ODAD1: variants seen among roughly 807,000 people sequenced by gnomAD.
ODAD1 encodes the protein outer dynein arm docking complex subunit 1, also known as outer dynein arm-docking complex subunit 1.
ODAD1 carries 49 observed loss-of-function variants against 67.2 expected under a neutral mutation model. That is an observed-to-expected ratio of 0.73 (90% confidence interval 0.58 to 0.92). ODAD1 has a LOEUF of 0.92. Ranked by LOEUF, ODAD1 falls within the 40% of genes least tolerant of loss-of-function variation. ODAD1 has a pLI of 0.00. For missense variants in ODAD1, 897 were observed against 953.7 expected (o/e 0.94, Z 0.78); for synonymous variants, 345 against 393.7 (o/e 0.88, Z 1.46).
chr19:48,318,263 A>C, intron 5 of ODAD1, 124 bp downstream of exon 5: 1 of 818,732 alleles, frequency 1.2e-6, no homozygotes, highest in African/African-American at 1.7e-5. Context: ...ATGTGCTGGG[A>C]TTACAGGCAT....
At chr19:48,306,844 C>T (rs1251655818) in intron 7 of ODAD1, among the ~76,000 whole-genome samples, 4 of 151,154 alleles carry the variant, frequency 2.6e-5, no homozygotes, top group Non-Finnish European at 5.9e-5. Context: ...CTTGGGAGTT[C>T]GAGACCAGCC....
At chr19:48,306,930 C>T (rs1331962482) in intron 7 of ODAD1, among the ~76,000 whole-genome samples, 3 of 152,000 alleles carry the variant, frequency 2.0e-5, no homozygotes, top group African/African-American at 7.3e-5. Flanking sequence ...CGACTGTAAT[C>T]CCAGCACTTT....
Position 48,296,883 on chromosome 19 carries a change from G to T in ODAD1, c.*93C>A. The stretch of plus-strand genomic sequence containing the variant: ...CAGAGGCCTGCCACTGGGAGAAAAA[G>T]ACAGAGACCCACAAGGCAAACAGGG... On this transcript the variant is annotated 3_prime_UTR_variant, in exon 16 of 16. Coordinates refer to ENST00000674294, the MANE Select transcript of ODAD1 (RefSeq NM_001364171.2). The T allele has an allele frequency of 6.9e-7, 1 of 1,443,802 alleles. No individual in the cohort carries two copies. Among genetic ancestry groups the T allele is most frequent in the African/African-American group, 1.4e-5 (1 of 69,912 alleles). 89.4% of individuals were successfully genotyped at this position (1,443,802 alleles called of 1,614,324 possible).
At position 48,297,492 on chromosome 19, in the gene ODAD1, C is replaced by T. The variant is rs200022799; in HGVS notation, c.1608G>A (p.Ala536=). The change falls in exon 16 of 16, where the codon GCG becomes GCA. Residue 536 remains alanine (A), a synonymous_variant. Transcript: ENST00000674294. ...CGGCGGCCAGGTCCTTCTGGCGCTG[C>T]GCCTCCGCCTGCTCCTGGAGCTCCA... is the stretch of plus-strand genomic sequence containing the variant. ...KLVELQEQAE[A]QRQKDLAAAA... is the part of the protein sequence containing the mutation. 191 of 1,602,942 alleles carry T rather than the reference C, an allele frequency of 1.2e-4. No homozygotes were observed. In the African/African-American group the frequency reaches 1.9e-3, roughly 16 times the overall value.
At chr19:48,312,260 T>A in intron 5 of ODAD1, 144 bp from the exon 6 acceptor site, 1 of 641,310 alleles carries the variant, frequency 1.6e-6, no homozygotes, top group South Asian at 1.8e-5. Context: ...GCTGACACTA[T>A]CCAGCCCTCC....
At chr19:48,320,144 T>A in intron 3 of ODAD1, 155 bp downstream of exon 3, 1 of 903,684 alleles carries the variant, frequency 1.1e-6, no homozygotes, top group Non-Finnish European at 1.4e-6. Flanking sequence ...CCACCCACCG[T>A]GGTGCCCGCC....
intron 12 of ODAD1, among the ~76,000 whole-genome samples, chr19:48,301,384 G>A (rs892171951): frequency 6.6e-6 from 1 of 151,966 alleles, no homozygotes; most frequent in African/African-American, 2.4e-5. Flanking sequence ...GGTGGATGAT[G>A]GATATGGGAC....
chr19:48,296,743 C>T lies in ODAD1; in HGVS notation c.*233G>A, dbSNP rs1420272290. 7.3e-7 allele frequency: 1 copy of T among 1,374,118 alleles called. No individual in the cohort carries two copies. Among genetic ancestry groups the T allele is most frequent in the African/African-American group, 1.5e-5 (1 of 67,606 alleles). The allele number at this position is 1,374,118 out of a possible 1,614,324, so 85.1% of individuals were successfully genotyped here. A position where few individuals can be genotyped will look rare whatever the true frequency, so the allele number is the denominator to read the frequency against. ...GACACTGACCAGGAAGCCCAGAGAACAGGAGATCAGGAGTCAGAGGGAAAA... is the reference window on the plus strand; with the variant it reads ...GACACTGACCAGGAAGCCCAGAGAATAGGAGATCAGGAGTCAGAGGGAAAA... On this transcript the variant is annotated 3_prime_UTR_variant, in exon 16 of 16. Coordinates refer to ENST00000674294, the MANE Select transcript of ODAD1 (RefSeq NM_001364171.2).
chr19:48,304,908 G>A (rs1411596518), intron 8 of ODAD1, among the ~76,000 whole-genome samples: 1 of 152,180 alleles, frequency 6.6e-6, no homozygotes, highest in Non-Finnish European at 1.5e-5. Context: ...CTTTTGGAGT[G>A]ATGGAAATAT....
At chr19:48,299,002 G>A (rs563258833) in intron 12 of ODAD1, among the ~76,000 whole-genome samples, 11 of 152,064 alleles carry the variant, frequency 7.2e-5, no homozygotes, top group Non-Finnish European at 1.2e-4. Context: ...CTCTCCATCC[G>A]TCATCCCTTC....
chr19:48,308,342 T>C (rs10406404), intron 7 of ODAD1, among the ~76,000 whole-genome samples: 37,601 of 151,704 alleles, frequency 0.25, 5,392 homozygotes, highest in African/African-American at 0.4. Flanking sequence ...ACCTGGCTAA[T>C]TTTTTGTATT....
intron 11 of ODAD1, 62 bp downstream of exon 11, chr19:48,302,951 G>C: frequency 1.3e-6 from 2 of 1,573,170 alleles, no homozygotes; most frequent in South Asian, 1.1e-5. Context: ...CAGGCTGAGG[G>C]AGGGAAGGGG....
chr19:48,302,282 T>G (rs923034378), intron 12 of ODAD1, among the ~76,000 whole-genome samples: 1 of 151,470 alleles, frequency 6.6e-6, no homozygotes, highest in Admixed American at 6.6e-5. Context: ...GAATAGATCC[T>G]GAATGGATGA....
rs763026577 is a variant in ODAD1 at position 48,303,604 on chromosome 19, G to A, written c.988+46C>T. Reference sequence around the variant, plus strand: ...GGCCAGCCTGCACTGGACTCAGGGGGTGCCGGGGTCCCGGGCCTCCTCCCT... The same window carrying A: ...GGCCAGCCTGCACTGGACTCAGGGGATGCCGGGGTCCCGGGCCTCCTCCCT... On this transcript the variant is annotated intron_variant, in intron 10 of 15. Coordinates refer to ENST00000674294, the MANE Select transcript of ODAD1 (RefSeq NM_001364171.2). 6.8e-6 allele frequency: 11 copies of A among 1,612,010 alleles called. No individual in the cohort carries two copies. In the South Asian group the frequency reaches 1.2e-4, roughly 18 times the overall value.
intron 5 of ODAD1, among the ~76,000 whole-genome samples, chr19:48,312,342 A>C (rs1184175668): frequency 6.7e-6 from 1 of 148,352 alleles, no homozygotes; most frequent in East Asian, 2.0e-4. Flanking sequence ...CTGGACACTC[A>C]CAGGGATTGG....
At chr19:48,320,061 A>C in intron 3 of ODAD1, 1 of 1,063,964 alleles carries the variant, frequency 9.4e-7, no homozygotes. Context: ...GGCAATTCCT[A>C]CAGGGAGTTC....
At position 48,296,798 on chromosome 19, in the gene ODAD1, G is replaced by T; in HGVS notation, c.*178C>A. The T allele has an allele frequency of 7.0e-7, 1 of 1,421,782 alleles. No homozygotes were observed. The highest frequency in any genetic ancestry group is 9.1e-7 in the Non-Finnish European group (1 of 1,094,660). 88.1% of individuals were successfully genotyped at this position (1,421,782 alleles called of 1,614,324 possible). A position where few individuals can be genotyped will look rare whatever the true frequency, so the allele number is the denominator to read the frequency against. ...TGTCAGGAGCAGAGAGAAAGGAACC[G>T]GGAGACACAGGTGAGGCGGTGATGA... is the stretch of plus-strand genomic sequence containing the variant. On this transcript the variant is annotated 3_prime_UTR_variant, in exon 16 of 16. Transcript: ENST00000674294.
At chr19:48,307,215 A>T (rs1968631736) in intron 7 of ODAD1, among the ~76,000 whole-genome samples, 1 of 151,952 alleles carries the variant, frequency 6.6e-6, no homozygotes. Flanking sequence ...GAAAGAAAGA[A>T]AGAAAGATGA....
intron 5 of ODAD1, among the ~76,000 whole-genome samples, chr19:48,316,341 T>A (rs373350569): frequency 2.6e-5 from 4 of 151,646 alleles, no homozygotes; most frequent in East Asian, 1.9e-4. Flanking sequence ...CATTGTGCCA[T>A]TGCACTCCAG....
Sources: allele counts gnomAD v4.1 joint callset (sites outside exome capture counted in the v4.1 genomes callset), GRCh38; gene constraint gnomAD v4.1.1; transcripts MANE v1.5; gene names NCBI Gene and HGNC (gene_info 2026-07-23, HGNC 2026-07-21).